Variants in CDIPT observed in about 807,000 individuals in gnomAD.
CDIPT encodes CDP-diacylglycerol--inositol 3-phosphatidyltransferase.
A neutral mutation model predicts 21.6 loss-of-function variants in CDIPT; 17 were observed. The observed-to-expected ratio is 0.79, with a 90% CI of 0.54 to 1.18. CDIPT has a LOEUF of 1.18. Ranked by LOEUF, CDIPT falls within the 50% of genes most tolerant of loss-of-function variation. The pLI is 0.00. For synonymous variants in CDIPT, 119 were observed against 117.9 expected (o/e 1.01, Z -0.06); for missense variants, 254 against 284.9 (o/e 0.89, Z 0.78).
In CDIPT at chr16:29,862,899, C is replaced by A; in HGVS notation, c.-42G>T. Reference sequence around the variant, plus strand: ...CTGCCCCGGGCCTGCTCTGGAGATGCCAGTGCTGTCCCAGCCCCGCAGCGC... The same window carrying A: ...CTGCCCCGGGCCTGCTCTGGAGATGACAGTGCTGTCCCAGCCCCGCAGCGC... On this transcript the variant is annotated 5_prime_UTR_variant, in exon 1 of 6. Coordinates refer to ENST00000219789, the MANE Select transcript of CDIPT (RefSeq NM_006319.5). This position sits in a 1 kb window ranked among gnomAD's most constrained non-coding sequence, Gnocchi z 6.7. 6.2e-7 allele frequency: 1 copy of A among 1,608,708 alleles called. No homozygotes were observed. The highest frequency in any genetic ancestry group is 8.5e-7 in the Non-Finnish European group (1 of 1,176,402).
Position 29,861,967 on chromosome 16 carries a change from G to C in CDIPT, c.178+619C>G, listed in dbSNP as rs992536473. 2.0e-5 allele frequency among the ~76,000 whole-genome samples: 3 copies of C among 151,924 alleles called. No individual in the cohort carries two copies. In the South Asian group the frequency reaches 6.2e-4, roughly 31 times the overall value. On this transcript the variant is annotated intron_variant, in intron 2 of 5. Coordinates refer to ENST00000219789, the MANE Select transcript of CDIPT (RefSeq NM_006319.5). ...AGGCTGGTCTCGAACTCCTGAACTC[G>C]TGATCCACCCACCTCGGCCTCCCAA...
chr16:29,861,708 A>C, intron 2 of CDIPT: 1 of 584,824 alleles, frequency 1.7e-6, no homozygotes, highest in Non-Finnish European at 3.0e-6. Flanking sequence ...TCCAGTAAAC[A>C]CCTGTTGAAT....
Position 29,863,068 on chromosome 16 carries a change from A to C in CDIPT, c.-211T>G. 1.6e-6 allele frequency: 1 copy of C among 607,460 alleles called. No homozygotes were observed. Among genetic ancestry groups the C allele is most frequent in the Admixed American group, 3.1e-5 (1 of 32,226 alleles). The allele number at this position is 607,460 out of a possible 1,614,324, so 37.6% of individuals were successfully genotyped here. A position where few individuals can be genotyped will look rare whatever the true frequency, so the allele number is the denominator to read the frequency against. ...TGCGCGGGACGCAGGGGGCGCGCGC[A>C]GTCCGCCCTTCCTACCCGCAACCTC... On this transcript the variant is annotated 5_prime_UTR_variant, in exon 1 of 6. Transcript: ENST00000219789.
At chr16:29,861,330 C>T (rs753644311) in intron 2 of CDIPT, 71 bp from the exon 3 acceptor site, 4 of 1,592,338 alleles carry the variant, frequency 2.5e-6, no homozygotes, top group African/African-American at 2.7e-5. Flanking sequence ...TTTGGTTTAT[C>T]ACTCTGACGC....
Position 29,862,966 on chromosome 16 carries a change from G to A in CDIPT, c.-109C>T. The stretch of plus-strand genomic sequence containing the variant: ...CCGGCGCATCGGCCGCACCACCTGC[G>A]CCCTGGACCCCGCCGCCCCAACCTG... On this transcript the variant is annotated 5_prime_UTR_variant, in exon 1 of 6. Transcript: ENST00000219789. The surrounding 1 kb of genome is among the most constrained non-coding windows in gnomAD (Gnocchi z 6.7). The A allele has an allele frequency of 7.9e-7, 1 of 1,271,570 alleles. No homozygotes were observed. Among genetic ancestry groups the A allele is most frequent in the Non-Finnish European group, 1.1e-6 (1 of 877,402 alleles). The allele number at this position is 1,271,570 out of a possible 1,614,324, so 78.8% of individuals were successfully genotyped here. A position where few individuals can be genotyped will look rare whatever the true frequency, so the allele number is the denominator to read the frequency against.
Position 29,859,548 on chromosome 16 carries a change from G to A in CDIPT, c.415-25C>T, listed in dbSNP as rs764913836. 26 of 1,563,682 alleles carry A rather than the reference G, an allele frequency of 1.7e-5. No homozygotes were observed. Among genetic ancestry groups the A allele is most frequent in the Middle Eastern group, 1.7e-4 (1 of 5,964 alleles). ...GCTGCACACACAGCAAACAGGCCAC[G>A]TTAGCAAGAGGCAGGCGTGTGCCAC... On this transcript the variant is annotated intron_variant, in intron 4 of 5. Transcript: ENST00000219789. The surrounding 1 kb of genome is among the most constrained non-coding windows in gnomAD (Gnocchi z 4.5).
intron 2 of CDIPT, chr16:29,861,732 T>G: frequency 1.8e-6 from 1 of 540,930 alleles, no homozygotes; most frequent in Non-Finnish European, 3.3e-6. Context: ...CTGTTTTTTG[T>G]TTTTTGTTTT....
chr16:29,861,404 CTG>C (rs1207601283), intron 2 of CDIPT, 145 bp from the exon 3 acceptor site: 6 of 1,545,554 alleles, frequency 3.9e-6, no homozygotes, highest in Non-Finnish European at 5.2e-6. Flanking sequence ...AGAAAACAGG[CTG>C]TGTGTGAGGT....
In CDIPT at chr16:29,859,653, G is replaced by A; in HGVS notation, c.415-130C>T. On this transcript the variant is annotated intron_variant, in intron 4 of 5. Transcript: ENST00000219789. The surrounding 1 kb of genome is among the most constrained non-coding windows in gnomAD (Gnocchi z 4.5). ...TTTTTTTTTCTTTTTTACAGACAGG[G>A]TCTCGCTCTCTCATCCAGGTTGGAA... 1 of 665,828 alleles carries A rather than the reference G, an allele frequency of 1.5e-6. No homozygotes were observed. The highest frequency in any genetic ancestry group is 2.7e-6 in the Non-Finnish European group (1 of 369,792). 41.2% of individuals were successfully genotyped at this position (665,828 alleles called of 1,614,324 possible).
chr16:29,859,391 G>A lies in CDIPT; in HGVS notation c.496+51C>T, dbSNP rs1390641190. On this transcript the variant is annotated intron_variant, in intron 5 of 5. Coordinates refer to ENST00000219789, the MANE Select transcript of CDIPT (RefSeq NM_006319.5). This position sits in a 1 kb window ranked among gnomAD's most constrained non-coding sequence, Gnocchi z 4.5. ...CGAAGGAGGGGGCCTCCATCTCCCT[G>A]GGCAGGCCAGATCCCCCTCCCATCC... is the stretch of plus-strand genomic sequence containing the variant. 1.9e-6 allele frequency: 3 copies of A among 1,592,146 alleles called. No individual in the cohort carries two copies. The highest frequency in any genetic ancestry group is 2.6e-6 in the Non-Finnish European group (3 of 1,167,344).
chr16:29,861,478 A>G, intron 2 of CDIPT: 6 of 1,536,242 alleles, frequency 3.9e-6, no homozygotes, highest in Non-Finnish European at 5.2e-6. Flanking sequence ...GGAACAGGGT[A>G]GGAGGAGAGG....
At position 29,861,116 on chromosome 16, in the gene CDIPT, G is replaced by A. The variant is rs1448889868; in HGVS notation, c.322C>T (p.His108Tyr). 1 of 1,614,104 alleles carries A rather than the reference G, an allele frequency of 6.2e-7. No individual in the cohort carries two copies. Among genetic ancestry groups the A allele is most frequent in the East Asian group, 2.2e-5 (1 of 44,876 alleles). Residue 108 changes from histidine to tyrosine, a missense_variant, in exon 3 of 6, where the codon CAC (histidine) becomes TAC (tyrosine). Physicochemically the swap from His to Tyr is moderately conservative, Grantham distance 83. Coordinates refer to ENST00000219789, the MANE Select transcript of CDIPT (RefSeq NM_006319.5). ...MSLDVASHWL[H>Y]LHSSVVRGSE... ...AGAATCGCAGCAGACCTGTGGAGGT[G>A]CAGCCAGTGACTGGCCACATCCAAA...
Position 29,863,006 on chromosome 16 carries a change from A to G in CDIPT, c.-149T>C. 1 of 904,218 alleles carries G rather than the reference A, an allele frequency of 1.1e-6. No homozygotes were observed. Among genetic ancestry groups the G allele is most frequent in the Non-Finnish European group, 1.8e-6 (1 of 559,840 alleles). The allele number at this position is 904,218 out of a possible 1,614,324, so 56.0% of individuals were successfully genotyped here. ...GCCCCAACCTGGCCCCAGATGCTGA[A>G]GCCCGCAGCCGTCGGGAGCATGGAC... is the stretch of plus-strand genomic sequence containing the variant. On this transcript the variant is annotated 5_prime_UTR_variant, in exon 1 of 6. Coordinates refer to ENST00000219789, the MANE Select transcript of CDIPT (RefSeq NM_006319.5).
Position 29,863,212 on chromosome 16 carries a change from A to C in CDIPT, c.-355T>G. ...CGCCCGTCGTTGCAAAATTGGAGAG[A>C]GGAAAAAGTGGCTTAAAAAAATAGT... On this transcript the variant is annotated 5_prime_UTR_variant, in exon 1 of 6. Transcript: ENST00000219789. The C allele has an allele frequency of 2.8e-6, 1 of 351,292 alleles. No individual in the cohort carries two copies. Among genetic ancestry groups the C allele is most frequent in the Non-Finnish European group, 5.2e-6 (1 of 190,986 alleles). The allele number at this position is 351,292 out of a possible 1,614,324, so 21.8% of individuals were successfully genotyped here.
intron 2 of CDIPT, among the ~76,000 whole-genome samples, chr16:29,861,985 C>A (rs2067687227): frequency 6.6e-6 from 1 of 152,136 alleles, no homozygotes; most frequent in African/African-American, 2.4e-5. Flanking sequence ...CCCACCTCGG[C>A]CTCCCAAAGT....
rs751926484 is a variant in CDIPT, at chr16:29,859,550, T to C, written c.415-27A>G. On this transcript the variant is annotated intron_variant, in intron 4 of 5. Coordinates refer to ENST00000219789, the MANE Select transcript of CDIPT (RefSeq NM_006319.5). This position sits in a 1 kb window ranked among gnomAD's most constrained non-coding sequence, Gnocchi z 4.5. ...TGCACACACAGCAAACAGGCCACGT[T>C]AGCAAGAGGCAGGCGTGTGCCACCC... 2.5e-5 allele frequency: 39 copies of C among 1,560,700 alleles called. No individual in the cohort carries two copies. The highest frequency in any genetic ancestry group is 1.1e-4 in the South Asian group (10 of 89,654).
At position 29,862,868 on chromosome 16, in the gene CDIPT, C is replaced by G. The variant is rs373960899; in HGVS notation, c.-11G>C. On this transcript the variant is annotated 5_prime_UTR_variant, in exon 1 of 6. Transcript: ENST00000219789. The surrounding 1 kb of genome is among the most constrained non-coding windows in gnomAD (Gnocchi z 6.7). ...ATTTTCGTCTGGCATCGCGGCGCCT[C>G]CCTTGCTGCCCCGGGCCTGCTCTGG... 193 of 1,613,252 alleles carry G rather than the reference C, an allele frequency of 1.2e-4. 1 individual carries two copies. Among genetic ancestry groups the G allele is most frequent in the Non-Finnish European group, 1.6e-4 (187 of 1,179,908 alleles).
Position 29,861,244 on chromosome 16 carries a change from G to A in CDIPT, c.194C>T (p.Ala65Val), listed in dbSNP as rs34121213. ...GCGGTCCGTCAGCATGTCCAGCATG[G>A]CCCCAAACCGGGTTCCTGGAAGATT... Reference protein sequence around the residue: ...RALNQGTRFGAMLDMLTDRCS... With the variant: ...RALNQGTRFGVMLDMLTDRCS... Residue 65 changes from alanine to valine, a missense_variant, in exon 3 of 6, where the codon GCC (alanine) becomes GTC (valine). Ala to Val is a moderately conservative substitution (Grantham distance 64). Coordinates refer to ENST00000219789, the MANE Select transcript of CDIPT (RefSeq NM_006319.5). 318 of 1,614,192 alleles carry A rather than the reference G, an allele frequency of 2.0e-4. No homozygotes were observed. The African/African-American group carries it at 2.3e-3, about 12-fold the overall frequency.
intron 2 of CDIPT, chr16:29,861,737 TG>T (rs2067684620): frequency 3.7e-6 from 2 of 538,832 alleles, no homozygotes; most frequent in East Asian, 3.1e-5. Context: ...TTTTGTTTTT[TG>T]TTTTTTTTTT....
Sources: gnomAD v4.1 joint callset for allele counts (sites outside exome capture counted in the v4.1 genomes callset) on GRCh38, gnomAD v4.1.1 for gene constraint, Gnocchi (gnomAD v3.1) non-coding constraint, MANE v1.5 for transcripts, NCBI Gene and HGNC (gene_info 2026-07-23, HGNC 2026-07-21) for gene names.